The following SRGAP3 variants were observed in gnomAD, a reference collection of about 807,000 sequenced individuals.
SRGAP3 encodes the protein SLIT-ROBO Rho GTPase activating protein 3, also known as SLIT-ROBO Rho GTPase-activating protein 3.
A neutral mutation model predicts 121.1 loss-of-function variants in SRGAP3; 39 were observed. The observed-to-expected ratio is 0.32, with a 90% CI of 0.25 to 0.42. The LOEUF is 0.42. Ranked by LOEUF, SRGAP3 falls within the 10% of genes least tolerant of loss-of-function variation. The pLI is 1.00. For synonymous variants in SRGAP3, 601 were observed against 570.0 expected (o/e 1.05, Z -0.77); for missense variants, 1,213 against 1,470.6 (o/e 0.82, Z 2.86).
intron 2 of SRGAP3, among the ~76,000 whole-genome samples, chr3:9,123,397 A>ATATAC (rs764680440): frequency 1.6e-3 from 143 of 89,210 alleles, no homozygotes; most frequent in African/African-American, 5.2e-3. Context: ...ATACATACAC[A>ATATAC]ATACACATAC....
At chr3:9,091,531 A>G (rs1947755201) in intron 3 of SRGAP3, among the ~76,000 whole-genome samples, 1 of 152,170 alleles carries the variant, frequency 6.6e-6, no homozygotes, top group Non-Finnish European at 1.5e-5. Flanking sequence ...TACATGATGT[A>G]TGTAAGCACG....
intron 3 of SRGAP3, among the ~76,000 whole-genome samples, chr3:9,308,635 T>C (rs1955195564): frequency 6.6e-6 from 1 of 152,206 alleles, no homozygotes; most frequent in Admixed American, 6.5e-5. Context: ...GATATTCAGC[T>C]TGGGAACTTA....
intron 1 of SRGAP3, among the ~76,000 whole-genome samples, chr3:9,336,012 A>G (rs1036401978): frequency 1.3e-5 from 2 of 152,118 alleles, no homozygotes; most frequent in South Asian, 2.1e-4. Flanking sequence ...CTGGGGAAAA[A>G]CACTGGGGAA....
chr3:9,086,766 T>C (rs1032964463), intron 3 of SRGAP3, among the ~76,000 whole-genome samples: 3 of 129,036 alleles, frequency 2.3e-5, no homozygotes, highest in Non-Finnish European at 3.5e-5. Context: ...CATATACATA[T>C]AATATGTATT....
intron 21 of SRGAP3, among the ~76,000 whole-genome samples, chr3:8,990,269 C>T (rs1941957066): frequency 6.6e-6 from 1 of 152,208 alleles, no homozygotes; most frequent in South Asian, 2.1e-4. Context: ...TGGCCAATGC[C>T]CTCTCCAGCC....
intron 1 of SRGAP3, among the ~76,000 whole-genome samples, chr3:9,130,609 T>A (rs1008395805): frequency 8.5e-5 from 13 of 152,232 alleles, no homozygotes; most frequent in African/African-American, 3.1e-4. Context: ...GCCCTTGACA[T>A]GATGCTAGAC....
chr3:9,187,588 C>T (rs763268286), intron 1 of SRGAP3, among the ~76,000 whole-genome samples: 19 of 152,180 alleles, frequency 1.2e-4, no homozygotes, highest in Non-Finnish European at 2.1e-4. Context: ...CTGTCTCTTA[C>T]TGGCTGCCCC....
chr3:9,112,502 T>TG (rs1488506377), intron 2 of SRGAP3, among the ~76,000 whole-genome samples: 1 of 152,218 alleles, frequency 6.6e-6, no homozygotes, highest in African/African-American at 2.4e-5. Flanking sequence ...TACAGTCTAG[T>TG]GGGGGTCTCA....
intron 2 of SRGAP3, among the ~76,000 whole-genome samples, chr3:9,326,385 T>C (rs1442846098): frequency 6.6e-6 from 1 of 151,948 alleles, no homozygotes; most frequent in Non-Finnish European, 1.5e-5. Flanking sequence ...ACCTAAAGTT[T>C]TGACTGTCTT....
chr3:9,156,533 A>G (rs1292694840), intron 1 of SRGAP3, among the ~76,000 whole-genome samples: 3 of 152,200 alleles, frequency 2.0e-5, no homozygotes, highest in Non-Finnish European at 4.4e-5. Context: ...ATAGCCTTAG[A>G]CATCAATCCA....
chr3:9,156,595 C>G (rs1950424172), intron 1 of SRGAP3, among the ~76,000 whole-genome samples: 1 of 152,198 alleles, frequency 6.6e-6, no homozygotes, highest in African/African-American at 2.4e-5. Context: ...CCAAGTCTCA[C>G]CCCAAATTTC....
intron 1 of SRGAP3, among the ~76,000 whole-genome samples, chr3:9,197,228 G>A (rs1428067312): frequency 6.6e-6 from 1 of 152,222 alleles, no homozygotes; most frequent in Non-Finnish European, 1.5e-5. Context: ...TGCTAGAAAG[G>A]AAAGAAAAGT....
intron 14 of SRGAP3, among the ~76,000 whole-genome samples, chr3:9,019,755 C>T (rs1219221098): frequency 6.6e-6 from 1 of 152,230 alleles, no homozygotes; most frequent in Non-Finnish European, 1.5e-5. Flanking sequence ...TTGCAGTGTA[C>T]AGAGCATGAG....
intron 3 of SRGAP3, among the ~76,000 whole-genome samples, chr3:9,319,674 C>T (rs184349545): frequency 2.0e-5 from 3 of 151,936 alleles, no homozygotes; most frequent in Admixed American, 1.3e-4. Flanking sequence ...CGATCTGAAT[C>T]CCTCAAATTC....
At chr3:9,183,783 C>CACACACACAA (rs1219901160) in intron 1 of SRGAP3, among the ~76,000 whole-genome samples, 1 of 151,892 alleles carries the variant, frequency 6.6e-6, no homozygotes, top group Admixed American at 6.6e-5. Context: ...CACACACACA[C>CACACACACAA]ACACACACAC....
At chr3:9,184,334 A>G (rs1951527482) in intron 1 of SRGAP3, among the ~76,000 whole-genome samples, 1 of 152,220 alleles carries the variant, frequency 6.6e-6, no homozygotes, top group South Asian at 2.1e-4. Context: ...GAGACTTTGC[A>G]TCAGACTGAA....
At chr3:9,177,499 C>T (rs1356828017) in intron 1 of SRGAP3, among the ~76,000 whole-genome samples, 1 of 152,064 alleles carries the variant, frequency 6.6e-6, no homozygotes, top group East Asian at 1.9e-4. Context: ...GAGACCATGC[C>T]ACGGAGTCTG....
chr3:9,337,825 T>C (rs1955716899), intron 1 of SRGAP3: 1 of 152,184 alleles, frequency 6.6e-6, no homozygotes, highest in Admixed American at 6.5e-5. Context: ...TCTGTGAAAA[T>C]ACATGTCTTG....
intron 1 of SRGAP3, among the ~76,000 whole-genome samples, chr3:9,350,255 G>C (rs1483981252): frequency 6.6e-6 from 1 of 151,878 alleles, no homozygotes; most frequent in African/African-American, 2.4e-5. Context: ...TCTAAGCAAA[G>C]AATATTTTTG....
Sources: allele counts gnomAD v4.1 joint callset (sites outside exome capture counted in the v4.1 genomes callset), GRCh38; gene constraint gnomAD v4.1.1; transcripts MANE v1.5; gene names NCBI Gene and HGNC (gene_info 2026-07-23, HGNC 2026-07-21).